WWOX: variants seen among roughly 807,000 people sequenced by gnomAD.
The protein encoded by WWOX is WW domain-containing oxidoreductase.
A neutral mutation model predicts 46.2 loss-of-function variants in WWOX; 69 were observed. The ratio of observed to expected loss-of-function variants is 1.49; its 90% CI spans 1.23 to 1.82. WWOX has a LOEUF of 1.82. Ranked by LOEUF, WWOX falls within the 40% of genes most tolerant of loss-of-function variation. WWOX has a pLI of 0.00. For synonymous variants in WWOX, 359 were observed against 202.6 expected, an observed-to-expected ratio of 1.77 and a Z score of -6.56; for missense variants, 919 against 542.6, an observed-to-expected ratio of 1.69 and a Z score of -6.89.
intron 8 of WWOX, among the ~76,000 whole-genome samples, chr16:78,609,658 C>T (rs1488747188): frequency 6.6e-6 from 1 of 152,010 alleles, no homozygotes; most frequent in Non-Finnish European, 1.5e-5. Context: ...AAAATGCAGC[C>T]TGTCTTTGGA....
At chr16:78,738,786 C>A (rs1053070320) in intron 8 of WWOX, among the ~76,000 whole-genome samples, 4 of 152,234 alleles carry the variant, frequency 2.6e-5, no homozygotes, top group African/African-American at 9.6e-5. Context: ...AACCCTAGAG[C>A]CATTGCCTTG....
intron 8 of WWOX, among the ~76,000 whole-genome samples, chr16:78,660,688 G>C (rs920808062): frequency 2.0e-5 from 3 of 152,138 alleles, no homozygotes; most frequent in Admixed American, 6.5e-5. Flanking sequence ...CAGTAAGATA[G>C]TAAAATTTCT....
intron 5 of WWOX, among the ~76,000 whole-genome samples, chr16:78,300,831 G>A (rs945090854): frequency 6.6e-6 from 1 of 152,044 alleles, no homozygotes; most frequent in East Asian, 1.9e-4. Context: ...CATATAACTT[G>A]TAGGTTGTCA....
intron 8 of WWOX, among the ~76,000 whole-genome samples, chr16:78,554,786 C>G (rs149810342): frequency 2.0e-5 from 3 of 152,164 alleles, no homozygotes; most frequent in Non-Finnish European, 2.9e-5. Flanking sequence ...TGGGCTGCAC[C>G]TATCTGTCAG....
chr16:78,990,458 A>G (rs1405138105), intron 8 of WWOX, among the ~76,000 whole-genome samples: 1 of 152,118 alleles, frequency 6.6e-6, no homozygotes, highest in East Asian at 1.9e-4. Context: ...GTCCGGAGCT[A>G]CTAAAGGTCA....
intron 8 of WWOX, among the ~76,000 whole-genome samples, chr16:78,489,902 G>T (rs538411374): frequency 1.3e-5 from 2 of 152,180 alleles, no homozygotes; most frequent in South Asian, 2.1e-4. Flanking sequence ...ACAGATAGCC[G>T]GATGATTTTA....
chr16:78,693,885 T>G (rs1020686194), intron 8 of WWOX, among the ~76,000 whole-genome samples: 1 of 152,112 alleles, frequency 6.6e-6, no homozygotes, highest in African/African-American at 2.4e-5. Flanking sequence ...GGTTGTAAGA[T>G]TCTCAGAGTT....
chr16:78,552,359 T>C (rs952953596), intron 8 of WWOX: 7 of 152,238 alleles, frequency 4.6e-5, no homozygotes, highest in Non-Finnish European at 8.8e-5. Context: ...CCATAGCATC[T>C]GAATCTTAAT....
At chr16:78,300,987 T>TCTAC (rs1180600602) in intron 5 of WWOX, among the ~76,000 whole-genome samples, 1 of 150,636 alleles carries the variant, frequency 6.6e-6, no homozygotes, top group African/African-American at 2.4e-5. Flanking sequence ...TATCCATCCA[T>TCTAC]CTACCCACCC....
chr16:79,118,150 A>C (rs1015081878), intron 8 of WWOX, among the ~76,000 whole-genome samples: 1 of 152,150 alleles, frequency 6.6e-6, no homozygotes, highest in Non-Finnish European at 1.5e-5. Context: ...GAGACATGCA[A>C]CTCTGACTTT....
chr16:78,665,842 G>T (rs1310469473), intron 8 of WWOX, among the ~76,000 whole-genome samples: 1 of 152,082 alleles, frequency 6.6e-6, no homozygotes, highest in African/African-American at 2.4e-5. Context: ...GCACCACCAT[G>T]CCCGGCTAAT....
chr16:78,346,137 C>G lies in WWOX; in HGVS notation c.517-40723C>G, dbSNP rs2081090730. Among the ~76,000 whole-genome samples, 2 of 121,136 alleles carry G rather than the reference C, an allele frequency of 1.7e-5. 1 individual carries two copies. Among genetic ancestry groups the G allele is most frequent in the Non-Finnish European group, 3.9e-5 (2 of 50,702 alleles). The allele number at this position is 121,136 out of a possible 152,430, so 79.5% of individuals were successfully genotyped here. ...TAAGTGAAGTTTTCTAGTACTTGTT[C>G]TGCATCTGGTTTCTTTCATTCCACA... is the stretch of plus-strand genomic sequence containing the variant. On this transcript the variant is annotated intron_variant, in intron 5 of 8. Transcript: ENST00000566780.
At chr16:78,895,182 C>G (rs766618735) in intron 8 of WWOX, among the ~76,000 whole-genome samples, 2 of 152,206 alleles carry the variant, frequency 1.3e-5, no homozygotes, top group African/African-American at 2.4e-5. Context: ...GCATCAACGG[C>G]TTTAAAATCA....
intron 8 of WWOX, among the ~76,000 whole-genome samples, chr16:78,837,125 A>G (rs963679127): frequency 7.9e-5 from 12 of 152,184 alleles, no homozygotes; most frequent in African/African-American, 2.9e-4. Context: ...GGAGAAAAAG[A>G]AGAAAAAGAA....
chr16:78,582,079 G>A (rs934559752), intron 8 of WWOX, among the ~76,000 whole-genome samples: 1 of 152,202 alleles, frequency 6.6e-6, no homozygotes, highest in Non-Finnish European at 1.5e-5. Flanking sequence ...GGGTGCAGAA[G>A]CATCTTTGGT....
intron 5 of WWOX, among the ~76,000 whole-genome samples, chr16:78,376,524 C>T (rs1003713875): frequency 6.6e-6 from 1 of 152,120 alleles, no homozygotes; most frequent in Non-Finnish European, 1.5e-5. Context: ...TTGCAACTAA[C>T]AGTAAGTATA....
rs1244323161 is a variant in WWOX at position 78,433,242 on chromosome 16, G to C, written c.1056+490G>C. ...CTAATGGGTATAATCCTCTGTTGGA[G>C]AGTCCTTTGATAGCTAGGAGTGTGT... is the stretch of plus-strand genomic sequence containing the variant. On this transcript the variant is annotated intron_variant, in intron 8 of 8. Transcript: ENST00000566780. Among the ~76,000 whole-genome samples, 4 of 152,074 alleles carry C rather than the reference G, an allele frequency of 2.6e-5. No individual in the cohort carries two copies. In the East Asian group the frequency reaches 7.7e-4, roughly 29 times the overall value.
At chr16:78,485,762 G>C (rs1204633838) in intron 8 of WWOX, among the ~76,000 whole-genome samples, 1 of 152,184 alleles carries the variant, frequency 6.6e-6, no homozygotes, top group African/African-American at 2.4e-5. Context: ...GCTTTTCCAA[G>C]GATCCCTCTC....
chr16:78,441,850 G>C (rs1410910986), intron 8 of WWOX, among the ~76,000 whole-genome samples: 1 of 151,812 alleles, frequency 6.6e-6, no homozygotes, highest in Non-Finnish European at 1.5e-5. Context: ...TGAATGTTCA[G>C]CATTCAGAAT....
Sources: gnomAD v4.1 joint callset for allele counts (sites outside exome capture counted in the v4.1 genomes callset) on GRCh38, gnomAD v4.1.1 for gene constraint, MANE v1.5 for transcripts, NCBI Gene and HGNC (gene_info 2026-07-23, HGNC 2026-07-21) for gene names.